SAMSN1: variants seen among roughly 807,000 people sequenced by gnomAD.
SAMSN1 encodes SAM domain, SH3 domain and nuclear localization signals 1.
In SAMSN1, 31 loss-of-function variants were observed where a neutral mutation model predicts 42.0. The observed-to-expected ratio is 0.74, with a 90% confidence interval of 0.55 to 1.00. The LOEUF (loss-of-function observed/expected upper bound fraction) is 1.00, where lower values mean the gene tolerates loss of function less well. Ranked by LOEUF, SAMSN1 falls within the 50% of genes least tolerant of loss-of-function variation. The pLI is 0.00. For synonymous variants in SAMSN1, 178 were observed against 151.9 expected (o/e 1.17, Z -1.26); for missense variants, 464 against 439.4 (o/e 1.06, Z -0.50).
At chr21:14,543,130 A>G (rs1568800322) in intron 1 of SAMSN1, among the ~76,000 whole-genome samples, 1 of 152,206 alleles carries the variant, frequency 6.6e-6, no homozygotes, top group African/African-American at 2.4e-5. Flanking sequence ...AGCCCTTAGA[A>G]GTTATTAACA....
chr21:14,653,880 A>G (rs891743414), intron 1 of SAMSN1, among the ~76,000 whole-genome samples: 2 of 151,970 alleles, frequency 1.3e-5, no homozygotes, highest in African/African-American at 4.8e-5. Context: ...GCAGGAAGCT[A>G]TGAGGATAAA....
chr21:14,650,183 G>A (rs962854657), intron 1 of SAMSN1, among the ~76,000 whole-genome samples: 5 of 152,040 alleles, frequency 3.3e-5, no homozygotes, highest in Admixed American at 2.6e-4. Flanking sequence ...TCACTATAGA[G>A]TAAATTGATC....
Position 14,591,332 on chromosome 21 carries a change from A to C in SAMSN1, c.465+2681T>G, listed in dbSNP as rs544019074. ...TTATTCATTTATCAGATGAGGACCT[A>C]ATTTATTACTGAGGACCTAATCTAC... On this transcript the variant is annotated intron_variant, in intron 7 of 15. Coordinates refer to the SAMSN1 transcript ENST00000647101. 5.3e-5 allele frequency: 8 copies of C among 152,306 alleles called. No homozygotes were observed. In the South Asian group the frequency reaches 1.0e-3, roughly 20 times the overall value. 9.4% of individuals were successfully genotyped at this position (152,306 alleles called of 1,614,324 possible).
intron 2 of SAMSN1, among the ~76,000 whole-genome samples, chr21:14,634,423 A>G (rs1983414136): frequency 6.6e-6 from 1 of 152,186 alleles, no homozygotes; most frequent in Non-Finnish European, 1.5e-5. Flanking sequence ...CATGTGACAA[A>G]GGTCTAGTAT....
intron 1 of SAMSN1, among the ~76,000 whole-genome samples, chr21:14,535,808 A>G (rs1190495287): frequency 6.6e-6 from 1 of 152,194 alleles, no homozygotes; most frequent in Non-Finnish European, 1.5e-5. Context: ...GCTCTCTGTG[A>G]AACCCACCCT....
chr21:14,579,883 A>G (rs1222089090), intron 2 of SAMSN1, among the ~76,000 whole-genome samples: 1 of 152,188 alleles, frequency 6.6e-6, no homozygotes, highest in Non-Finnish European at 1.5e-5. Context: ...AACTAATTCC[A>G]GCACAAGTGG....
chr21:14,585,680 A>G (rs1261940120), upstream of SAMSN1: 1 of 152,176 alleles, frequency 6.6e-6, no homozygotes, highest in Non-Finnish European at 1.5e-5. Flanking sequence ...ACATCAGTCT[A>G]CTGCATTTTA....
chr21:14,652,696 T>C (rs576332281), intron 1 of SAMSN1, among the ~76,000 whole-genome samples: 15 of 151,986 alleles, frequency 9.9e-5, no homozygotes, highest in African/African-American at 3.4e-4. Context: ...TCGTCTCGTA[T>C]GTTGAAAAGC....
chr21:14,540,880 A>G (rs1979974594), intron 1 of SAMSN1, among the ~76,000 whole-genome samples: 1 of 152,190 alleles, frequency 6.6e-6, no homozygotes, highest in Non-Finnish European at 1.5e-5. Flanking sequence ...CTTGGAACCA[A>G]CCCAAATGTC....
At chr21:14,563,162 A>G (rs1294151571) in intron 2 of SAMSN1, among the ~76,000 whole-genome samples, 4 of 43,762 alleles carry the variant, frequency 9.1e-5, no homozygotes, top group Non-Finnish European at 1.8e-4. Context: ...CTGCAATGTC[A>G]TCATAACCTC....
At chr21:14,642,637 A>T (rs1268550949) in intron 2 of SAMSN1, among the ~76,000 whole-genome samples, 1 of 152,218 alleles carries the variant, frequency 6.6e-6, no homozygotes, top group Non-Finnish European at 1.5e-5. Flanking sequence ...ACTGATTCAG[A>T]TATGTATCTG....
At chr21:14,618,082 T>C (rs915038735) in intron 2 of SAMSN1, among the ~76,000 whole-genome samples, 8 of 152,340 alleles carry the variant, frequency 5.3e-5, no homozygotes, top group South Asian at 2.1e-4. Flanking sequence ...TTACTTTTAC[T>C]ATGTATGTTG....
At chr21:14,577,837 A>G (rs1021381993) in intron 2 of SAMSN1, among the ~76,000 whole-genome samples, 10 of 152,182 alleles carry the variant, frequency 6.6e-5, no homozygotes. Flanking sequence ...ACCCTTTCAT[A>G]AATCTGATCT....
At chr21:14,590,475 G>A (rs962183616) in intron 7 of SAMSN1, among the ~76,000 whole-genome samples, 2 of 151,964 alleles carry the variant, frequency 1.3e-5, no homozygotes, top group African/African-American at 4.8e-5. Flanking sequence ...TAGAGATGAA[G>A]TCTCACTATG....
At chr21:14,609,510 G>A (rs2123319564) in exon 5 of SAMSN1, 4 of 717,972 alleles carry the variant, frequency 5.6e-6, no homozygotes, top group Middle Eastern at 4.6e-4. Context: ...TTCTGATGTG[G>A]GAATCATTCT....
chr21:14,595,748 C>T (rs933406207), intron 6 of SAMSN1, among the ~76,000 whole-genome samples: 1 of 152,030 alleles, frequency 6.6e-6, no homozygotes, highest in African/African-American at 2.4e-5. Context: ...AGTCTAAACC[C>T]CAGCAGAATT....
At chr21:14,635,949 A>G (rs1285107250) in intron 2 of SAMSN1, among the ~76,000 whole-genome samples, 3 of 152,072 alleles carry the variant, frequency 2.0e-5, no homozygotes, top group South Asian at 2.1e-4. Context: ...TCCTAATGCT[A>G]TCCCTCCCCC....
At chr21:14,641,865 T>C (rs1010380974) in intron 2 of SAMSN1, among the ~76,000 whole-genome samples, 1 of 152,198 alleles carries the variant, frequency 6.6e-6, no homozygotes, top group Non-Finnish European at 1.5e-5. Flanking sequence ...AATTTTCATA[T>C]AACTTTTGAC....
chr21:14,578,552 G>A (rs900904143), intron 2 of SAMSN1, among the ~76,000 whole-genome samples: 24 of 151,748 alleles, frequency 1.6e-4, no homozygotes, highest in East Asian at 1.9e-4. Context: ...GCATGGTGGC[G>A]GGCACCTGTA....
Sources: gnomAD v4.1 joint callset for allele counts (sites outside exome capture counted in the v4.1 genomes callset) on GRCh38, gnomAD v4.1.1 for gene constraint, MANE v1.5 for transcripts, NCBI Gene and HGNC (gene_info 2026-07-23, HGNC 2026-07-21) for gene names.